Variants in TTF1 observed in about 807,000 individuals in gnomAD.
TTF1 encodes transcription termination factor 1, also known as transcription termination factor, RNA polymerase I.
TTF1 carries 64 observed loss-of-function variants against 80.2 expected under a neutral mutation model. The observed-to-expected ratio is 0.80, with a 90% CI of 0.65 to 0.98. The LOEUF (loss-of-function observed/expected upper bound fraction) is 0.98, where lower values mean the gene tolerates loss of function less well. TTF1 is among the 50% of genes least tolerant of loss of function. TTF1 has a pLI of 0.00. For synonymous variants in TTF1, 372 were observed against 382.7 expected (o/e 0.97, Z 0.33); for missense variants, 1,023 against 1,086.2 (o/e 0.94, Z 0.82).
At chr9:132,396,841 T>A (rs1370803597) in intron 4 of TTF1, among the ~76,000 whole-genome samples, 1 of 152,066 alleles carries the variant, frequency 6.6e-6, no homozygotes, top group Non-Finnish European at 1.5e-5. Flanking sequence ...CTGGTTTTTA[T>A]ATTTTTAGTA....
chr9:132,376,453 T>C (rs1715980368), intron 10 of TTF1, among the ~76,000 whole-genome samples: 1 of 152,142 alleles, frequency 6.6e-6, no homozygotes, highest in African/African-American at 2.4e-5. Context: ...ACTCGGGTAG[T>C]GATGTCTGCT....
intron 2 of TTF1, among the ~76,000 whole-genome samples, chr9:132,401,203 G>A (rs532241982): frequency 6.6e-6 from 1 of 152,192 alleles, no homozygotes; most frequent in Non-Finnish European, 1.5e-5. Flanking sequence ...GTGCATGCCG[G>A]TAATCTCAGC....
At chr9:132,391,354 C>G (rs1849554861) in intron 6 of TTF1, among the ~76,000 whole-genome samples, 1 of 152,156 alleles carries the variant, frequency 6.6e-6, no homozygotes, top group Admixed American at 6.5e-5. Context: ...CATTCACGGT[C>G]ACGCTAAGTA....
chr9:132,403,941 T>C (rs1032556750), intron 1 of TTF1, among the ~76,000 whole-genome samples: 1 of 152,248 alleles, frequency 6.6e-6, no homozygotes, highest in African/African-American at 2.4e-5. Flanking sequence ...CCACTAACGT[T>C]AATACTCACA....
rs1317670547 is a variant in TTF1, at chr9:132,402,338, T to G, written c.484A>C (p.Lys162Gln). ...TTTTTATTCTTTTTCTCCCTAACTT[T>G]ACTGTGCAGGGCTTCTGATTTATGT... ...HAHKSEALHS[K>Q]VREKKNKKHQ... The change falls in exon 2 of 11, where the codon AAA becomes CAA. Residue 162 changes from lysine to glutamine, a missense_variant. By Grantham distance (53) the Lys-to-Gln change is moderately conservative. Coordinates refer to ENST00000334270, the MANE Select transcript of TTF1 (RefSeq NM_007344.4). 1.2e-6 allele frequency: 2 copies of G among 1,614,160 alleles called. No individual in the cohort carries two copies. The highest frequency in any genetic ancestry group is 1.6e-4 in the Middle Eastern group (1 of 6,062).
Position 132,402,063 on chromosome 9 carries a change from G to A in TTF1, c.759C>T (p.Ser253=). The A allele has an allele frequency of 1.9e-6, 3 of 1,614,050 alleles. No homozygotes were observed. The highest frequency in any genetic ancestry group is 2.5e-6 in the Non-Finnish European group (3 of 1,180,014). Residue 253 remains serine, a synonymous_variant, in exon 2 of 11, where the codon TCC becomes TCT. Coordinates refer to ENST00000334270, the MANE Select transcript of TTF1 (RefSeq NM_007344.4). ...GREAGTDMQE[S]QPTVGLDDET... is the part of the protein sequence containing the mutation. ...CATCATCCAAGCCCACAGTAGGCTG[G>A]GATTCCTGCATATCAGTCCCGGCCT...
chr9:132,402,521 C>G lies in TTF1; in HGVS notation c.301G>C (p.Gly101Arg). 1 of 1,614,194 alleles carries G rather than the reference C, an allele frequency of 6.2e-7. No homozygotes were observed. Among genetic ancestry groups the G allele is most frequent in the Non-Finnish European group, 8.5e-7 (1 of 1,180,052 alleles). The stretch of plus-strand genomic sequence containing the variant: ...TTATCCACAAGGACAACTGTAACAC[C>G]TGCTTCCTCGTCCACCTCCAAAGCA... Reference protein sequence around the residue: ...YSALEVDEEAGVTVVLVDKEN... With the variant: ...YSALEVDEEARVTVVLVDKEN... Residue 101 changes from glycine to arginine, a missense_variant, in exon 2 of 11, where the codon GGT becomes CGT. Coordinates refer to ENST00000334270, the MANE Select transcript of TTF1 (RefSeq NM_007344.4).
In TTF1 at chr9:132,377,102, G is replaced by A. The variant is rs542027214; in HGVS notation, c.2465-934C>T. ...GTGTCTTTTATTCTTTCTGGAATATGTGTATGCTTCTGTGTATGTGTGTAC... is the reference window on the plus strand; with the variant it reads ...GTGTCTTTTATTCTTTCTGGAATATATGTATGCTTCTGTGTATGTGTGTAC... On this transcript the variant is annotated intron_variant, in intron 10 of 10. Coordinates refer to ENST00000334270, the MANE Select transcript of TTF1 (RefSeq NM_007344.4). 1.1e-4 allele frequency among the ~76,000 whole-genome samples: 16 copies of A among 152,320 alleles called. No homozygotes were observed. In the East Asian group the frequency reaches 2.9e-3, roughly 27 times the overall value.
intron 1 of TTF1, among the ~76,000 whole-genome samples, chr9:132,403,669 TAA>T (rs34439599): frequency 1.3e-5 from 2 of 148,964 alleles, no homozygotes; most frequent in Non-Finnish European, 3.0e-5. Context: ...TTCTCTGCTT[TAA>T]AAAAAAAAGA....
intron 9 of TTF1, among the ~76,000 whole-genome samples, chr9:132,385,174 C>G (rs1353243243): frequency 1.3e-5 from 2 of 152,144 alleles, no homozygotes; most frequent in Non-Finnish European, 2.9e-5. Context: ...ACATCTGAGT[C>G]ACCTGGAGCT....
chr9:132,378,971 G>A, intron 10 of TTF1, 88 bp downstream of exon 10: 3 of 965,076 alleles, frequency 3.1e-6, no homozygotes, highest in Non-Finnish European at 4.6e-6. Flanking sequence ...GAGGCTCTAA[G>A]TCCAGTCACC....
intron 9 of TTF1, among the ~76,000 whole-genome samples, chr9:132,385,742 TAC>T (rs1237258927): frequency 2.6e-5 from 4 of 152,196 alleles, no homozygotes; most frequent in Non-Finnish European, 5.9e-5. Context: ...CTTATTTGTT[TAC>T]AGTCTCTTCC....
rs551526963 is a variant in TTF1, at chr9:132,387,310, C to T, written c.2313-689G>A. 2.8e-4 allele frequency among the ~76,000 whole-genome samples: 42 copies of T among 152,240 alleles called. No individual in the cohort carries two copies. The South Asian group carries it at 8.7e-3, about 32-fold the overall frequency. On this transcript the variant is annotated intron_variant, in intron 8 of 10. Coordinates refer to ENST00000334270, the MANE Select transcript of TTF1 (RefSeq NM_007344.4). ...TAACCCTCCCCCCCCAATCTACAGA[C>T]AGGGAAATGGTGCCAAGAGACACAG...
chr9:132,382,761 CAAAAAAA>C (rs55904518), intron 9 of TTF1, among the ~76,000 whole-genome samples: 1 of 137,020 alleles, frequency 7.3e-6, no homozygotes, highest in African/African-American at 2.8e-5. Flanking sequence ...ACTAAAAATA[CAAAAAAA>C]AAAAAAAAAA....
chr9:132,401,457 T>C lies in TTF1; in HGVS notation c.1365A>G (p.Pro455=). The C allele has an allele frequency of 1.2e-6, 2 of 1,605,578 alleles. No individual in the cohort carries two copies. Among genetic ancestry groups the C allele is most frequent in the Non-Finnish European group, 1.7e-6 (2 of 1,175,208 alleles). ...CTGGAATACCACTCCCTCGTTACCT[T>C]GGCGCCTCTTGCACGTGCTTGCTTG... The part of the protein sequence containing the change: ...CLASKHVQEA[P]RLEPANEEHN... Residue 455 remains proline, a splice_region_variant and synonymous_variant, in exon 2 of 11, where the codon CCA becomes CCG. Transcript: ENST00000334270.
chr9:132,401,923 C>T lies in TTF1; in HGVS notation c.899G>A (p.Gly300Asp). ...ALAMPEGSQV[G>D]SEVGADMQES... ...CTGCATATCAGCCCCAACCTCACTGCCCACTTGTGATCCTTCAGGCATGGC... is the reference window on the plus strand; with the variant it reads ...CTGCATATCAGCCCCAACCTCACTGTCCACTTGTGATCCTTCAGGCATGGC... The change falls in exon 2 of 11, where the codon GGC becomes GAC. Residue 300 changes from glycine to aspartate, a missense_variant. By Grantham distance (94) the Gly-to-Asp change is moderately conservative. Coordinates refer to ENST00000334270, the MANE Select transcript of TTF1 (RefSeq NM_007344.4). 6.2e-7 allele frequency: 1 copy of T among 1,611,098 alleles called. No homozygotes were observed. The highest frequency in any genetic ancestry group is 8.5e-7 in the Non-Finnish European group (1 of 1,178,780).
chr9:132,390,000 G>C (rs1426042613), intron 7 of TTF1, among the ~76,000 whole-genome samples: 9 of 152,044 alleles, frequency 5.9e-5, no homozygotes, highest in African/African-American at 2.2e-4. Flanking sequence ...TTTTGAGACA[G>C]AGCCTCGCTC....
intron 4 of TTF1, among the ~76,000 whole-genome samples, chr9:132,396,741 C>T (rs967668091): frequency 1.1e-4 from 16 of 151,184 alleles, no homozygotes; most frequent in Non-Finnish European, 1.5e-4. Flanking sequence ...TGTGTCGGCT[C>T]ACTGCAACCT....
chr9:132,396,313 T>C (rs1173961750), intron 5 of TTF1, 120 bp downstream of exon 5: 55 of 997,634 alleles, frequency 5.5e-5, no homozygotes, highest in Non-Finnish European at 8.2e-5. Context: ...CACCACCTGG[T>C]TTCACACACA....
Sources: gnomAD v4.1 joint callset for allele counts (sites outside exome capture counted in the v4.1 genomes callset) on GRCh38, gnomAD v4.1.1 for gene constraint, MANE v1.5 for transcripts, NCBI Gene and HGNC (gene_info 2026-07-23, HGNC 2026-07-21) for gene names.